Variants in ATXN7 observed in about 807,000 individuals in gnomAD.
ATXN7 encodes the protein ataxin 7, also known as ataxin-7.
A neutral mutation model predicts 70.5 loss-of-function variants in ATXN7; 12 were observed. The observed-to-expected ratio is 0.17, with a 90% CI of 0.11 to 0.28. The LOEUF (loss-of-function observed/expected upper bound fraction) is 0.28. ATXN7 is among the 10% of genes least tolerant of loss of function. ATXN7 has a pLI of 1.00. For synonymous variants in ATXN7, 498 were observed against 448.7 expected (o/e 1.11, Z -1.39); for missense variants, 1,256 against 1,131.7 (o/e 1.11, Z -1.58).
At chr3:63,900,674 A>G (rs1038252421) in intron 2 of ATXN7, 32 of 152,516 alleles carry the variant, frequency 2.1e-4, no homozygotes, top group African/African-American at 7.2e-4. Context: ...GGAGCTCTTT[A>G]GTGCCTGTTT....
At chr3:63,946,466 G>A (rs1042322440) in intron 4 of ATXN7, among the ~76,000 whole-genome samples, 6 of 151,894 alleles carry the variant, frequency 4.0e-5, no homozygotes, top group Non-Finnish European at 5.9e-5. Context: ...AGTGAAACCC[G>A]TTCTCTACTA....
At position 63,995,680 on chromosome 3, in the gene ATXN7, G is replaced by A; in HGVS notation, c.1858G>A (p.Ala620Thr). ...CISPNSKSVP[A>T]HGTTLNAQPA... is the part of the protein sequence containing the mutation. ...CTCCCCAAATAGCAAATCGGTACCAGCTCATGGAACCACACTAAATGCACA... is the reference window on the plus strand; with the variant it reads ...CTCCCCAAATAGCAAATCGGTACCAACTCATGGAACCACACTAAATGCACA... The change falls in exon 12 of 13, where the codon GCT becomes ACT. Residue 620 changes from alanine to threonine, a missense_variant. Ala to Thr is a moderately conservative substitution (Grantham distance 58). Coordinates refer to ENST00000674280, the MANE Select transcript of ATXN7 (RefSeq NM_001377405.1). 1.2e-6 allele frequency: 2 copies of A among 1,614,196 alleles called. No individual in the cohort carries two copies. The highest frequency in any genetic ancestry group is 2.2e-5 in the South Asian group (2 of 91,078).
chr3:63,943,346 T>C (rs1270236779), intron 4 of ATXN7, among the ~76,000 whole-genome samples: 5 of 152,210 alleles, frequency 3.3e-5, no homozygotes, highest in Non-Finnish European at 7.3e-5. Flanking sequence ...CTGACTACAT[T>C]GTAGAACCAC....
At chr3:63,970,820 T>A (rs2075299703) in intron 5 of ATXN7, among the ~76,000 whole-genome samples, 1 of 152,136 alleles carries the variant, frequency 6.6e-6, no homozygotes, top group Admixed American at 6.5e-5. Context: ...CCAGTGTGAA[T>A]GGGTATGCTG....
intron 8 of ATXN7, among the ~76,000 whole-genome samples, chr3:63,984,353 A>G (rs974688549): frequency 3.3e-5 from 5 of 152,150 alleles, no homozygotes; most frequent in African/African-American, 1.2e-4. Flanking sequence ...TCATAAAACA[A>G]ACTGCTTTTT....
rs1244076418 is a variant in ATXN7, at chr3:63,946,254, GGGCA to G, written c.395-6124_395-6121del. Reference sequence around the variant, plus strand: ...GGTATGAGTAGGAGCCTAGCAGAGAGGGCATTGGGGCTAGTTCTTGTCGAACGGT... The same window carrying G: ...GGTATGAGTAGGAGCCTAGCAGAGAGTTGGGGCTAGTTCTTGTCGAACGGT... On this transcript the variant is annotated intron_variant, in intron 4 of 12. Transcript: ENST00000674280. 7.8e-4 allele frequency among the ~76,000 whole-genome samples: 119 copies of G among 152,294 alleles called. 3 individuals are homozygous for G. The South Asian group carries it at 0.023, about 29-fold the overall frequency.
intron 1 of ATXN7, among the ~76,000 whole-genome samples, chr3:63,875,007 G>A (rs150949754): frequency 4.6e-5 from 7 of 152,272 alleles, no homozygotes; most frequent in South Asian, 2.1e-4. Context: ...GACCTCTTTC[G>A]TAATGGCACT....
chr3:63,982,313 T>C lies in ATXN7; in HGVS notation c.880T>C (p.Ser294Pro), dbSNP rs1353527518. The change falls in exon 7 of 13, where the codon TCA (serine) becomes CCA (proline). Residue 294 changes from serine (S) to proline (P), a missense_variant. Transcript: ENST00000674280. ...SLVKPGLNCP[S>P]IPKPTLPSPG... ...AGTCAAGCCTGGCCTTAACTGCCCC[T>C]CAATACCAAAGCCAACCTTGCCTTC... is the stretch of plus-strand genomic sequence containing the variant. 6.2e-7 allele frequency: 1 copy of C among 1,614,148 alleles called. No individual in the cohort carries two copies. Among genetic ancestry groups the C allele is most frequent in the Non-Finnish European group, 8.5e-7 (1 of 1,180,026 alleles).
chr3:63,989,327 G>A (rs1559659481), intron 9 of ATXN7, among the ~76,000 whole-genome samples: 2 of 152,284 alleles, frequency 1.3e-5, no homozygotes, highest in Middle Eastern at 6.8e-3. Context: ...GACCATTGTA[G>A]GTGTAGGAAA....
At chr3:63,899,215 A>G (rs949261723) in intron 2 of ATXN7, among the ~76,000 whole-genome samples, 1 of 151,852 alleles carries the variant, frequency 6.6e-6, no homozygotes, top group African/African-American at 2.4e-5. Flanking sequence ...GGTGTGCACC[A>G]CTACACCTGG....
At chr3:63,891,481 G>A (rs144858468) in intron 1 of ATXN7, among the ~76,000 whole-genome samples, 1 of 152,010 alleles carries the variant, frequency 6.6e-6, no homozygotes, top group Non-Finnish European at 1.5e-5. Flanking sequence ...ACCACACCTG[G>A]CTAATTATTT....
intron 10 of ATXN7, 33 bp from the exon 11 acceptor site, chr3:63,990,705 T>A (rs770354613): frequency 2.5e-6 from 4 of 1,613,684 alleles, no homozygotes; most frequent in African/African-American, 2.7e-5. Flanking sequence ...AGTGTGGGAG[T>A]CAGCAAGCAC....
intron 1 of ATXN7, among the ~76,000 whole-genome samples, chr3:63,897,253 G>T (rs1347389630): frequency 6.6e-6 from 1 of 152,178 alleles, no homozygotes; most frequent in Non-Finnish European, 1.5e-5. Context: ...TAAAAGAAAG[G>T]AGACTGGGAA....
chr3:63,990,043 C>T (rs545531087), intron 9 of ATXN7, 133 bp from the exon 10 acceptor site: 5 of 755,542 alleles, frequency 6.6e-6, no homozygotes, highest in Non-Finnish European at 8.5e-6. Flanking sequence ...GGATCAGCAT[C>T]TGTTTTCCCC....
At chr3:63,911,732 CAT>C (rs1045446355) in intron 2 of ATXN7, 3 of 152,324 alleles carry the variant, frequency 2.0e-5, no homozygotes, top group Non-Finnish European at 4.4e-5. Flanking sequence ...CGGGGGCACA[CAT>C]GTGGGCGGCG....
chr3:63,911,957 C>G (rs1356138265), intron 2 of ATXN7: 3 of 152,416 alleles, frequency 2.0e-5, no homozygotes, highest in Non-Finnish European at 4.4e-5. Context: ...GCCGGCTCCT[C>G]CATAGGTGGC....
At chr3:63,992,775 C>T (rs1324971444) in intron 11 of ATXN7, among the ~76,000 whole-genome samples, 2 of 152,170 alleles carry the variant, frequency 1.3e-5, no homozygotes. Context: ...AAGTCTACAG[C>T]AACAAGGGAC....
At chr3:63,910,848 GTAAGTA>G (rs200099623) in intron 2 of ATXN7, among the ~76,000 whole-genome samples, 2,071 of 152,140 alleles carry the variant, frequency 0.014, 57 homozygotes, top group African/African-American at 0.046. Flanking sequence ...GTGTGTATGT[GTAAGTA>G]TGTGTGTGTG....
At chr3:63,916,893 A>C (rs1490635968) in intron 4 of ATXN7, among the ~76,000 whole-genome samples, 1 of 152,054 alleles carries the variant, frequency 6.6e-6, no homozygotes, top group African/African-American at 2.4e-5. Flanking sequence ...AATTGGTAAT[A>C]CATTTTGACT....
Sources: gnomAD v4.1 joint callset for allele counts (sites outside exome capture counted in the v4.1 genomes callset) on GRCh38, gnomAD v4.1.1 for gene constraint, MANE v1.5 for transcripts, NCBI Gene and HGNC (gene_info 2026-07-23, HGNC 2026-07-21) for gene names.